MRPL48: variants seen among roughly 807,000 people sequenced by gnomAD.
MRPL48 encodes large ribosomal subunit protein mL48.
MRPL48 carries 16 observed loss-of-function variants against 32.9 expected under a neutral mutation model. The observed-to-expected ratio is 0.49, with a 90% CI of 0.33 to 0.74. The LOEUF is 0.74. Among genes scored for constraint, MRPL48 ranks in the 30% least tolerant of loss-of-function variants. The pLI is 0.02. For missense variants in MRPL48, 206 were observed against 245.3 expected (o/e 0.84, Z 1.07); for synonymous variants, 94 against 89.2 (o/e 1.05, Z -0.31).
chr11:73,788,472 C>CTTTTTTTTTTT (rs11352308), intron 1 of MRPL48, among the ~76,000 whole-genome samples: 7 of 109,634 alleles, frequency 6.4e-5, no homozygotes, highest in East Asian at 2.5e-4. Flanking sequence ...TCTTTTCTTT[C>CTTTTTTTTTTT]TTTTTTTTTT....
intron 5 of MRPL48, among the ~76,000 whole-genome samples, chr11:73,846,803 A>C (rs1948300291): frequency 6.6e-6 from 1 of 151,712 alleles, no homozygotes; most frequent in Non-Finnish European, 1.5e-5. Context: ...CCTAGGCTCA[A>C]GCGATCCTCC....
In MRPL48 at chr11:73,788,111, TG is replaced by T. The variant is rs1947076427; in HGVS notation, c.21+123del. ...GCGCGGACATCCGGGGATGAGACAC[TG>T]GGGCGCCCAAGGTCCTTCCCAGCAG... On this transcript the variant is annotated intron_variant, in intron 1 of 7. Transcript: ENST00000310614. The T allele has an allele frequency of 4.9e-6, 7 of 1,432,514 alleles. No individual in the cohort carries two copies. The Admixed American group carries it at 1.5e-4, about 31-fold the overall frequency. 88.7% of individuals were successfully genotyped at this position (1,432,514 alleles called of 1,614,324 possible).
chr11:73,822,533 A>G (rs1947802158), intron 3 of MRPL48, among the ~76,000 whole-genome samples: 1 of 152,118 alleles, frequency 6.6e-6, no homozygotes, highest in Non-Finnish European at 1.5e-5. Flanking sequence ...CGTGGAAGGG[A>G]TCCATGATAT....
At chr11:73,792,489 A>T (rs189079927) in intron 1 of MRPL48, among the ~76,000 whole-genome samples, 2 of 152,364 alleles carry the variant, frequency 1.3e-5, no homozygotes, top group African/African-American at 4.8e-5. Flanking sequence ...TCTCAGAGAT[A>T]AGATGTTTTC....
intron 5 of MRPL48, among the ~76,000 whole-genome samples, chr11:73,852,393 C>CAAAAAAAAAAAAAA (rs10554131): frequency 3.6e-5 from 3 of 83,356 alleles, no homozygotes; most frequent in East Asian, 4.6e-4. Context: ...AACTCTATAG[C>CAAAAAAAAAAAAAA]AAAAAAAAAA....
chr11:73,823,454 G>T (rs1160249708), intron 3 of MRPL48, among the ~76,000 whole-genome samples: 3 of 152,010 alleles, frequency 2.0e-5, no homozygotes, highest in African/African-American at 4.8e-5. Context: ...TATAAATAAA[G>T]AAGAAACAGT....
intron 1 of MRPL48, among the ~76,000 whole-genome samples, chr11:73,801,897 C>A (rs1302243392): frequency 2.6e-5 from 4 of 152,202 alleles, no homozygotes; most frequent in Admixed American, 6.5e-5. Flanking sequence ...TCTTTCTAAT[C>A]ATTTATTCAT....
chr11:73,788,071 C>A (rs770072205), intron 1 of MRPL48, 79 bp downstream of exon 1: 1,786 of 1,211,492 alleles, frequency 1.5e-3, no homozygotes, highest in Admixed American at 7.9e-3. Context: ...GGGTGCAGAG[C>A]GGGGAGGTGG....
intron 4 of MRPL48, among the ~76,000 whole-genome samples, chr11:73,837,535 C>G (rs1276041021): frequency 6.6e-6 from 1 of 152,196 alleles, no homozygotes; most frequent in Non-Finnish European, 1.5e-5. Context: ...CTTCAGAGGA[C>G]CTCAGTTTTC....
At chr11:73,822,954 A>G (rs1014215485) in intron 3 of MRPL48, 5 of 452,862 alleles carry the variant, frequency 1.1e-5, no homozygotes, top group African/African-American at 4.0e-5. Flanking sequence ...CAGGTTGAGC[A>G]CTACTCATTC....
chr11:73,824,356 G>C (rs993318981), intron 3 of MRPL48, among the ~76,000 whole-genome samples: 6 of 152,090 alleles, frequency 3.9e-5, no homozygotes, highest in Non-Finnish European at 7.4e-5. Context: ...TTGGGTGGCC[G>C]AGGTGGGCGA....
Position 73,864,478 on chromosome 11 carries a change from T to TACCC in MRPL48, c.*110_*113dup. ...AGACCCAACCCTTAGATTTCATAAG[T>TACCC]ACCCATTCCCATAGCCAGTAATGTC... On this transcript the variant is annotated 3_prime_UTR_variant, in exon 8 of 8. Coordinates refer to ENST00000310614, the MANE Select transcript of MRPL48 (RefSeq NM_016055.6). 9.0e-7 allele frequency: 1 copy of TACCC among 1,108,590 alleles called. No homozygotes were observed. The highest frequency in any genetic ancestry group is 1.3e-6 in the Non-Finnish European group (1 of 749,032). 68.7% of individuals were successfully genotyped at this position (1,108,590 alleles called of 1,614,324 possible). A position where few individuals can be genotyped will look rare whatever the true frequency, so the allele number is the denominator to read the frequency against.
intron 3 of MRPL48, among the ~76,000 whole-genome samples, chr11:73,811,774 A>T (rs1368530281): frequency 3.9e-5 from 6 of 152,080 alleles, no homozygotes; most frequent in Admixed American, 3.3e-4. Context: ...TTTTGCACCA[A>T]CCTAATACTA....
At chr11:73,815,892 A>AC in intron 3 of MRPL48, among the ~76,000 whole-genome samples, 1 of 136,722 alleles carries the variant, frequency 7.3e-6, no homozygotes, top group South Asian at 2.3e-4. Flanking sequence ...CTTGACTTTT[A>AC]TTTTTTTTTT....
intron 1 of MRPL48, among the ~76,000 whole-genome samples, chr11:73,788,292 C>T (rs1036877020): frequency 8.8e-4 from 134 of 152,076 alleles, no homozygotes; most frequent in Non-Finnish European, 1.4e-3. Flanking sequence ...ATCACGACAC[C>T]AGGATACGGT....
intron 3 of MRPL48, among the ~76,000 whole-genome samples, chr11:73,823,975 C>T (rs1341479402): frequency 6.6e-6 from 1 of 151,870 alleles, no homozygotes; most frequent in Non-Finnish European, 1.5e-5. Flanking sequence ...CCTGCCTTAG[C>T]CTCCTGAGTA....
chr11:73,835,507 G>A (rs1196405039), intron 4 of MRPL48, among the ~76,000 whole-genome samples: 2 of 152,130 alleles, frequency 1.3e-5, no homozygotes, highest in South Asian at 2.1e-4. Flanking sequence ...TCTTCATTTC[G>A]TAAAATTTAC....
rs184751801 is a variant in MRPL48, at chr11:73,790,660, A to C, written c.21+2668A>C. ...TGGCCTCCCAAAGTGCTGGGATTAC[A>C]GGCTTGAGCAACCGTGCCTGGCCGC... On this transcript the variant is annotated intron_variant, in intron 1 of 7. Coordinates refer to ENST00000310614, the MANE Select transcript of MRPL48 (RefSeq NM_016055.6). Among the ~76,000 whole-genome samples, 1,419 of 151,974 alleles carry C rather than the reference A, an allele frequency of 9.3e-3. 18 individuals are homozygous for C. The highest frequency in any genetic ancestry group is 0.034 in the Middle Eastern group (10 of 294).
At chr11:73,805,507 G>A (rs1046239669) in intron 2 of MRPL48, among the ~76,000 whole-genome samples, 1 of 151,812 alleles carries the variant, frequency 6.6e-6, no homozygotes, top group Non-Finnish European at 1.5e-5. Context: ...TGTTGGCCAG[G>A]CTGGTCTTGA....
Sources: allele counts gnomAD v4.1 joint callset (sites outside exome capture counted in the v4.1 genomes callset), GRCh38; gene constraint gnomAD v4.1.1; transcripts MANE v1.5; gene names NCBI Gene and HGNC (gene_info 2026-07-23, HGNC 2026-07-21).